Variants in USP30 observed in about 807,000 individuals in gnomAD.
USP30 encodes the protein ubiquitin specific peptidase 30.
A neutral mutation model predicts 68.2 loss-of-function variants in USP30; 41 were observed. The observed-to-expected ratio is 0.60, with a 90% CI of 0.47 to 0.78. The LOEUF (loss-of-function observed/expected upper bound fraction) is 0.78. Among genes scored for constraint, USP30 ranks in the 30% least tolerant of loss-of-function variants. The pLI is 0.00. For missense variants in USP30, 522 were observed against 649.4 expected (o/e 0.80, Z 2.13); for synonymous variants, 229 against 253.7 (o/e 0.90, Z 0.93).
rs146583618 is a variant in USP30, at chr12:109,028,675, C to T, written c.-136+1119C>T. On this transcript the variant is annotated intron_variant, in intron 3 of 15. Coordinates refer to the USP30 transcript ENST00000392784. Reference sequence around the variant, plus strand: ...GTAATTTTAGTAGAGAGGGGTTTCACCATGTTGACCAGGCTGGTCTCAAAC... The same window carrying T: ...GTAATTTTAGTAGAGAGGGGTTTCATCATGTTGACCAGGCTGGTCTCAAAC... 3.4e-4 allele frequency among the ~76,000 whole-genome samples: 52 copies of T among 152,202 alleles called. 1 individual carries two copies. Among genetic ancestry groups the T allele is most frequent in the African/African-American group, 1.2e-3 (50 of 41,516 alleles).
chr12:109,054,443 C>T (rs1013756643), intron 1 of USP30, among the ~76,000 whole-genome samples: 2 of 151,784 alleles, frequency 1.3e-5, no homozygotes, highest in East Asian at 3.9e-4. Context: ...ATCACCTGAG[C>T]CCGGAAGGTG....
chr12:109,085,724 C>G lies in USP30; in HGVS notation c.1347C>G (p.His449Gln), dbSNP rs1204360126. The change falls in exon 13 of 13, where the codon CAC becomes CAG. Residue 449 changes from histidine (H) to glutamine (Q), a missense_variant. Physicochemically the swap from His to Gln is conservative, Grantham distance 24. Transcript: ENST00000257548. ...TTGTCGTCCACCATGGAGACATGCA[C>G]TCTGGACACTTTGTCACTTACCGAC... ...MAVVVHHGDM[H>Q]SGHFVTYRRS... 6.2e-7 allele frequency: 1 copy of G among 1,614,260 alleles called. No homozygotes were observed. Among genetic ancestry groups the G allele is most frequent in the African/African-American group, 1.3e-5 (1 of 75,062 alleles).
intron 3 of USP30, among the ~76,000 whole-genome samples, chr12:109,060,539 A>G (rs1265894201): frequency 6.7e-6 from 1 of 149,862 alleles, no homozygotes; most frequent in Non-Finnish European, 1.5e-5. Context: ...CCTGGTTTAG[A>G]AAAAAAAAAT....
intron 1 of USP30, 178 bp downstream of exon 1, chr12:109,052,939 C>G (rs1566082900): frequency 3.7e-6 from 2 of 533,994 alleles, no homozygotes; most frequent in Non-Finnish European, 6.0e-6. Context: ...CTGACGGGCT[C>G]CAGTCCTTCG....
At chr12:109,066,247 CAAAA>C (rs35466141) in intron 3 of USP30, among the ~76,000 whole-genome samples, 11 of 96,000 alleles carry the variant, frequency 1.1e-4, no homozygotes, top group Middle Eastern at 5.2e-3. Context: ...GACCCTGTCT[CAAAA>C]AAAAAAAAAA....
At position 109,055,015 on chromosome 12, in the gene USP30, TACAC is replaced by T. The variant is rs377599084; in HGVS notation, c.84-1653_84-1650del. Reference sequence around the variant, plus strand: ...TCCAAATACTGGGATAATAATGTATTACACACACACACACACAAACACGTATGTA... The same window carrying T: ...TCCAAATACTGGGATAATAATGTATTACACACACACACAAACACGTATGTA... On this transcript the variant is annotated intron_variant, in intron 1 of 12. Transcript: ENST00000257548. 4.6e-5 allele frequency among the ~76,000 whole-genome samples: 7 copies of T among 151,190 alleles called. No homozygotes were observed. The East Asian group carries it at 7.7e-4, about 17-fold the overall frequency.
chr12:109,053,662 A>G (rs1479802686), intron 1 of USP30: 2 of 183,100 alleles, frequency 1.1e-5, no homozygotes, highest in Non-Finnish European at 2.3e-5. Context: ...TTCCGTAGAT[A>G]GGAAGTGTGG....
intron 3 of USP30, among the ~76,000 whole-genome samples, chr12:109,029,198 T>G (rs2040464678): frequency 6.6e-6 from 1 of 152,186 alleles, no homozygotes; most frequent in Non-Finnish European, 1.5e-5. Flanking sequence ...GATGTCTAGC[T>G]CTGGACCTGC....
At chr12:109,031,223 C>T (rs1027061755) in intron 3 of USP30, among the ~76,000 whole-genome samples, 11 of 152,146 alleles carry the variant, frequency 7.2e-5, no homozygotes, top group Admixed American at 2.6e-4. Context: ...TGGCATATTA[C>T]ATAAAACAAC....
upstream of USP30, chr12:109,052,553 C>A: frequency 1.0e-6 from 1 of 957,572 alleles, no homozygotes; most frequent in Non-Finnish European, 1.4e-6. Flanking sequence ...CTGCGGTCTA[C>A]GTTCCCCCGA....
chr12:109,084,910 G>T, intron 11 of USP30, 43 bp from the exon 12 acceptor site: 3 of 1,511,380 alleles, frequency 2.0e-6, no homozygotes, highest in Non-Finnish European at 2.7e-6. Flanking sequence ...TGTTTACAGA[G>T]CCACTGCTAA....
chr12:109,085,682 C>A lies in USP30; in HGVS notation c.1305C>A (p.Leu435=). ...VVPDYSSSTY[L]FRLMAVVVHH... is the part of the protein sequence containing the mutation. ...TATCATTCAGCTCCTCCACATACCT[C>A]TTCCGGCTGATGGCAGTTGTCGTCC... Residue 435 remains leucine (L), a synonymous_variant, in exon 13 of 13, where the codon CTC becomes CTA. Transcript: ENST00000257548. The A allele has an allele frequency of 1.2e-6, 2 of 1,614,224 alleles. No individual in the cohort carries two copies. Among genetic ancestry groups the A allele is most frequent in the Non-Finnish European group, 1.7e-6 (2 of 1,180,038 alleles).
intron 7 of USP30, among the ~76,000 whole-genome samples, chr12:109,077,109 A>G (rs1348125388): frequency 6.6e-6 from 1 of 152,088 alleles, no homozygotes; most frequent in East Asian, 1.9e-4. Context: ...TTGTTTTTAT[A>G]TATTATTGAA....
rs2041416517 is a variant in USP30, at chr12:109,070,848, C to T, written c.481-764C>T. Reference sequence around the variant, plus strand: ...GGTATTTGTATACTCAGGTTAATAGCAGCATGTTCGCAATAGCCAAGGGGT... The same window carrying T: ...GGTATTTGTATACTCAGGTTAATAGTAGCATGTTCGCAATAGCCAAGGGGT... On this transcript the variant is annotated intron_variant, in intron 4 of 12. Coordinates refer to ENST00000257548, the MANE Select transcript of USP30 (RefSeq NM_032663.5). The surrounding 1 kb of genome is among the most constrained non-coding windows in gnomAD (Gnocchi z 4.0). Among the ~76,000 whole-genome samples, 9 of 152,300 alleles carry T rather than the reference C, an allele frequency of 5.9e-5. No individual in the cohort carries two copies. In the South Asian group the frequency reaches 1.9e-3, roughly 32 times the overall value.
At chr12:109,081,662 C>G (rs1253622532) in intron 8 of USP30, 8 of 573,940 alleles carry the variant, frequency 1.4e-5, no homozygotes, top group East Asian at 2.9e-5. Context: ...CACACACACA[C>G]AGACATTAAC....
rs145279323 is a variant in USP30 at position 109,082,930 on chromosome 12, A to G, written c.1036A>G (p.Asn346Asp). The G allele has an allele frequency of 2.1e-5, 34 of 1,614,240 alleles. No individual in the cohort carries two copies. Among genetic ancestry groups the G allele is most frequent in the Non-Finnish European group, 2.8e-5 (33 of 1,180,042 alleles). Residue 346 changes from asparagine to aspartate, a missense_variant, in exon 11 of 13, where the codon AAT becomes GAT. By Grantham distance (23) the Asn-to-Asp change is conservative. Coordinates refer to ENST00000257548, the MANE Select transcript of USP30 (RefSeq NM_032663.5). ...PLKRHEHVQF[N>D]EFLMMDIYKY... Reference sequence around the variant, plus strand: ...GAAGCGGCATGAGCACGTGCAGTTCAATGAGTTCCTGATGATGGACATTTA... The same window carrying G: ...GAAGCGGCATGAGCACGTGCAGTTCGATGAGTTCCTGATGATGGACATTTA...
chr12:109,027,140 G>A (rs1425491525), intron 2 of USP30, among the ~76,000 whole-genome samples: 13 of 152,150 alleles, frequency 8.5e-5, no homozygotes, highest in Admixed American at 8.5e-4. Context: ...GTGGCTTAGA[G>A]TATATTCATA....
Position 109,053,599 on chromosome 12 carries a change from C to G in USP30, c.83+838C>G, listed in dbSNP as rs139421450. On this transcript the variant is annotated intron_variant, in intron 1 of 12. Coordinates refer to ENST00000257548, the MANE Select transcript of USP30 (RefSeq NM_032663.5). ...CTGGAACTGGAGCAGGTTTAAAGAG[C>G]TTATTATCCCAGGGCTGAAAGTCCT... 323 of 156,406 alleles carry G rather than the reference C, an allele frequency of 2.1e-3. 2 individuals carry two copies. Among genetic ancestry groups the G allele is most frequent in the African/African-American group, 7.6e-3 (315 of 41,584 alleles). 9.7% of individuals were successfully genotyped at this position (156,406 alleles called of 1,614,324 possible). A position where few individuals can be genotyped will look rare whatever the true frequency, so the allele number is the denominator to read the frequency against.
chr12:109,070,374 C>A lies in USP30; in HGVS notation c.481-1238C>A, dbSNP rs935549620. Among the ~76,000 whole-genome samples, 9 of 152,018 alleles carry A rather than the reference C, an allele frequency of 5.9e-5. No individual in the cohort carries two copies. Among genetic ancestry groups the A allele is most frequent in the Admixed American group, 4.6e-4 (7 of 15,264 alleles). On this transcript the variant is annotated intron_variant, in intron 4 of 12. Coordinates refer to ENST00000257548, the MANE Select transcript of USP30 (RefSeq NM_032663.5). This position sits in a 1 kb window ranked among gnomAD's most constrained non-coding sequence, Gnocchi z 4.0. Reference sequence around the variant, plus strand: ...TGGATAATTGGTTGGGGAGTATGCCCTGTGGAGGAGCTCTTTTGGCAGAGA... The same window carrying A: ...TGGATAATTGGTTGGGGAGTATGCCATGTGGAGGAGCTCTTTTGGCAGAGA...
Sources: gnomAD v4.1 joint callset for allele counts (sites outside exome capture counted in the v4.1 genomes callset) on GRCh38, gnomAD v4.1.1 for gene constraint, Gnocchi (gnomAD v3.1) non-coding constraint, MANE v1.5 for transcripts, NCBI Gene and HGNC (gene_info 2026-07-23, HGNC 2026-07-21) for gene names.